The following HERC5 variants were observed in gnomAD, a reference collection of about 807,000 sequenced individuals.
HERC5 encodes HECT and RLD domain containing E3 ubiquitin protein ligase 5.
In HERC5, 99 loss-of-function variants were observed where a neutral mutation model predicts 119.6. The observed-to-expected ratio is 0.83, with a 90% CI of 0.70 to 0.98. The LOEUF is 0.98. Ranked by LOEUF, HERC5 falls within the 50% of genes least tolerant of loss-of-function variation. The pLI, the probability that HERC5 is intolerant of heterozygous loss-of-function variation, is 0.00. For synonymous variants in HERC5, 478 were observed against 445.9 expected (o/e 1.07, Z -0.91); for missense variants, 1,267 against 1,241.3 (o/e 1.02, Z -0.31).
At position 88,462,245 on chromosome 4, in the gene HERC5, T is replaced by G; in HGVS notation, c.577T>G (p.Leu193Val). The change falls in exon 4 of 23, where the codon TTG (leucine) becomes GTG (valine). Residue 193 changes from leucine to valine, a missense_variant. Around this residue, in one of 3 missense-constraint regions of HERC5, gnomAD observed 777 missense variants for 758.0 expected, o/e 1.03. Coordinates refer to ENST00000264350, the MANE Select transcript of HERC5 (RefSeq NM_016323.4). ...QIVEHLAGVP[L>V]AQISAGEAHS... The stretch of plus-strand genomic sequence containing the variant: ...TGTGGAGCACCTCGCAGGAGTACCC[T>G]TGGCTCAGATTTCTGCCGGAGAAGC... 2 of 1,614,210 alleles carry G rather than the reference T, an allele frequency of 1.2e-6. No homozygotes were observed. Among genetic ancestry groups the G allele is most frequent in the Non-Finnish European group, 1.7e-6 (2 of 1,180,040 alleles).
intron 20 of HERC5, among the ~76,000 whole-genome samples, chr4:88,502,496 C>T (rs1741974500): frequency 6.6e-6 from 1 of 152,116 alleles, no homozygotes; most frequent in East Asian, 1.9e-4. Context: ...CCAGAGCATG[C>T]GTGGGGAAAT....
intron 18 of HERC5, 60 bp from the exon 19 acceptor site, chr4:88,499,866 A>T: frequency 8.7e-7 from 1 of 1,153,658 alleles, no homozygotes; most frequent in Non-Finnish European, 1.3e-6. Context: ...TTTATTTTAG[A>T]TGCTGTGTCT....
At chr4:88,463,709 A>C in intron 5 of HERC5, 86 bp downstream of exon 5, 1 of 1,398,616 alleles carries the variant, frequency 7.1e-7, no homozygotes, top group South Asian at 1.2e-5. Context: ...AAGAAAGGTC[A>C]TCACTTCCTG....
intron 2 of HERC5, among the ~76,000 whole-genome samples, chr4:88,459,748 T>C (rs1335646246): frequency 2.6e-5 from 4 of 152,152 alleles, no homozygotes; most frequent in Non-Finnish European, 5.9e-5. Flanking sequence ...ATAAGTTAAA[T>C]TTCTGGAAAT....
chr4:88,459,463 C>A lies in HERC5; in HGVS notation c.382C>A (p.His128Asn). 5 of 1,537,240 alleles carry A rather than the reference C, an allele frequency of 3.3e-6. No individual in the cohort carries two copies. The highest frequency in any genetic ancestry group is 1.3e-5 in the South Asian group (1 of 78,554). Residue 128 changes from histidine to asparagine, a missense_variant, in exon 2 of 23, where the codon CAT becomes AAT. Around this residue, in one of 3 missense-constraint regions of HERC5, gnomAD observed 777 missense variants for 758.0 expected, o/e 1.03. Coordinates refer to ENST00000264350, the MANE Select transcript of HERC5 (RefSeq NM_016323.4). Reference sequence around the variant, plus strand: ...TGAGTATGACAACTATAGCATGAAACATCTAAGGTAGGGAACTTTTTTCTT... The same window carrying A: ...TGAGTATGACAACTATAGCATGAAAAATCTAAGGTAGGGAACTTTTTTCTT... The part of the protein sequence containing the change: ...PFEYDNYSMK[H>N]LRFESILQEK...
rs759624799 is a variant in HERC5, at chr4:88,468,310, C to T, written c.1058-36C>T. On this transcript the variant is annotated intron_variant, in intron 7 of 22. Transcript: ENST00000264350. ...GAACATGCATGTTTGTGCCAAATGA[C>T]TTTCTAAAACTCTTACTCTTTGTGC... is the stretch of plus-strand genomic sequence containing the variant. 4.8e-6 allele frequency: 7 copies of T among 1,466,068 alleles called. No homozygotes were observed. The Admixed American group carries it at 1.3e-4, about 28-fold the overall frequency. 90.8% of individuals were successfully genotyped at this position (1,466,068 alleles called of 1,614,324 possible). A position where few individuals can be genotyped will look rare whatever the true frequency, so the allele number is the denominator to read the frequency against.
At chr4:88,495,422 G>T (rs1741769751) in intron 18 of HERC5, among the ~76,000 whole-genome samples, 1 of 152,062 alleles carries the variant, frequency 6.6e-6, no homozygotes, top group African/African-American at 2.4e-5. Flanking sequence ...AATTAGCTGG[G>T]CATGGTGGCA....
At chr4:88,504,200 G>C in intron 20 of HERC5, 32 bp from the exon 21 acceptor site, 1 of 1,425,882 alleles carries the variant, frequency 7.0e-7, no homozygotes, top group Non-Finnish European at 9.8e-7. Context: ...GGATATTGCA[G>C]TAAGTGGAAA....
chr4:88,459,413 T>A lies in HERC5; in HGVS notation c.332T>A (p.Ile111Asn). 2.5e-6 allele frequency: 4 copies of A among 1,597,002 alleles called. No individual in the cohort carries two copies. Among genetic ancestry groups the A allele is most frequent in the Non-Finnish European group, 3.4e-6 (4 of 1,172,192 alleles). The change falls in exon 2 of 23, where the codon ATT becomes AAT. Residue 111 changes from isoleucine (I) to asparagine (N), a missense_variant. Physicochemically the swap from Ile to Asn is moderately radical, Grantham distance 149. Transcript: ENST00000264350. ...GACCAAGGAGCAGAGCACATGCTGA[T>A]TCTCTCATCAGATGGAAAACCATTT... ...SVDQGAEHMLILSSDGKPFEY... is the reference protein window; with the variant it reads ...SVDQGAEHMLNLSSDGKPFEY...
At chr4:88,479,625 T>C in intron 13 of HERC5, 118 bp downstream of exon 13, 1 of 615,614 alleles carries the variant, frequency 1.6e-6, no homozygotes, top group Non-Finnish European at 2.5e-6. Flanking sequence ...ATATTGCTAT[T>C]TTTTTAATTT....
At chr4:88,479,304 C>G in intron 12 of HERC5, 49 bp from the exon 13 acceptor site, 2 of 1,275,140 alleles carry the variant, frequency 1.6e-6, no homozygotes, top group South Asian at 1.8e-5. Flanking sequence ...AAAAAAAAAG[C>G]ACAATAAAAC....
intron 22 of HERC5, among the ~76,000 whole-genome samples, chr4:88,505,170 T>G (rs952755604): frequency 6.6e-6 from 1 of 152,228 alleles, no homozygotes; most frequent in African/African-American, 2.4e-5. Flanking sequence ...TCCCATTGTC[T>G]GAACACTCCT....
intron 20 of HERC5, among the ~76,000 whole-genome samples, chr4:88,503,993 G>C (rs924797933): frequency 6.6e-6 from 1 of 151,996 alleles, no homozygotes; most frequent in Admixed American, 6.6e-5. Flanking sequence ...CTTGAACCCA[G>C]GAGGTGGAGG....
At position 88,476,012 on chromosome 4, in the gene HERC5, C is replaced by G; in HGVS notation, c.1564C>G (p.Gln522Glu). 2.5e-6 allele frequency: 4 copies of G among 1,613,608 alleles called. No individual in the cohort carries two copies. The highest frequency in any genetic ancestry group is 3.4e-6 in the Non-Finnish European group (4 of 1,179,834). ...AAAGGTTGTTTGTAAAATGAGTGAC[C>G]AGTCTTCACTGGTTCTGGGTAAGTT... ...FAKVVCKMSD[Q>E]SSLVLEEYWA... The change falls in exon 12 of 23, where the codon CAG (glutamine) becomes GAG (glutamate). Residue 522 changes from glutamine to glutamate, a missense_variant. Coordinates refer to ENST00000264350, the MANE Select transcript of HERC5 (RefSeq NM_016323.4).
chr4:88,460,472 G>A (rs1740389119), intron 3 of HERC5, among the ~76,000 whole-genome samples: 1 of 152,114 alleles, frequency 6.6e-6, no homozygotes, highest in African/African-American at 2.4e-5. Context: ...CCAGGCCTGG[G>A]GCCACCCTTT....
chr4:88,457,245 G>A lies in HERC5; in HGVS notation c.-25G>A. ...CCAGGCGTTCTCTCCTCTCGCCTCT[G>A]GGCCTGGGACCCCGCAAAGCGGCGA... is the stretch of plus-strand genomic sequence containing the variant. On this transcript the variant is annotated 5_prime_UTR_variant, in exon 1 of 23. Coordinates refer to ENST00000264350, the MANE Select transcript of HERC5 (RefSeq NM_016323.4). 7.6e-7 allele frequency: 1 copy of A among 1,310,958 alleles called. No homozygotes were observed. Among genetic ancestry groups the A allele is most frequent in the Non-Finnish European group, 9.7e-7 (1 of 1,029,590 alleles). The allele number at this position is 1,310,958 out of a possible 1,614,324, so 81.2% of individuals were successfully genotyped here.
intron 22 of HERC5, among the ~76,000 whole-genome samples, chr4:88,505,260 T>C (rs1395524548): frequency 6.6e-6 from 1 of 152,180 alleles, no homozygotes; most frequent in African/African-American, 2.4e-5. Context: ...TACCTCCTTG[T>C]TGCCTTTCTA....
At chr4:88,499,347 A>G (rs941901800) in intron 18 of HERC5, among the ~76,000 whole-genome samples, 1 of 152,244 alleles carries the variant, frequency 6.6e-6, no homozygotes, top group Admixed American at 6.5e-5. Context: ...AAAAGCATGT[A>G]TAAAGCATCA....
At chr4:88,495,399 C>T (rs1416026145) in intron 18 of HERC5, among the ~76,000 whole-genome samples, 1 of 151,852 alleles carries the variant, frequency 6.6e-6, no homozygotes, top group Non-Finnish European at 1.5e-5. Flanking sequence ...AACAAACAAA[C>T]AAAAACAACA....
Sources: gnomAD v4.1 joint callset for allele counts (sites outside exome capture counted in the v4.1 genomes callset) on GRCh38, gnomAD v4.1.1 for gene constraint, gnomAD v4.1.1 regional missense constraint, MANE v1.5 for transcripts, NCBI Gene and HGNC (gene_info 2026-07-23, HGNC 2026-07-21) for gene names.